DNAI2: variants seen among roughly 807,000 people sequenced by gnomAD.
DNAI2 encodes dynein axonemal intermediate chain 2, also known as dynein, axonemal, intermediate polypeptide 2.
Under a neutral mutation model 74.7 loss-of-function variants are expected in DNAI2, and 63 were observed. The observed-to-expected ratio is 0.84, with a 90% CI of 0.69 to 1.04. The LOEUF (loss-of-function observed/expected upper bound fraction) is 1.04, where lower values mean the gene tolerates loss of function less well. DNAI2 is among the 50% of genes least tolerant of loss of function. The probability of loss-of-function intolerance (pLI) is 0.00; values close to 1 mark genes in which losing one functional copy is unlikely to be tolerated. For missense variants in DNAI2, 688 were observed against 803.2 expected (o/e 0.86, Z 1.73); for synonymous variants, 289 against 314.9 (o/e 0.92, Z 0.87).
intron 6 of DNAI2, among the ~76,000 whole-genome samples, chr17:74,296,333 G>GGA (rs1555611087): frequency 4.5e-5 from 2 of 44,638 alleles, no homozygotes; most frequent in Admixed American, 2.3e-4. Flanking sequence ...GAGAGAGAGA[G>GGA]GAGAGAGAGA....
At position 74,285,207 on chromosome 17, in the gene DNAI2, G is replaced by T. The variant is rs750794863; in HGVS notation, c.345+6G>T. On this transcript the variant is annotated splice_donor_region_variant and intron_variant, in intron 3 of 13. Transcript: ENST00000311014. ...CCATCATGCAGCTCGGCTCTGTAAG[G>T]CTTCCTCCTGCCCCAGCTGCAAGAG... 1.2e-6 allele frequency: 2 copies of T among 1,613,706 alleles called. No individual in the cohort carries two copies. Among genetic ancestry groups the T allele is most frequent in the Non-Finnish European group, 1.7e-6 (2 of 1,179,812 alleles).
intron 8 of DNAI2, 114 bp downstream of exon 8, chr17:74,301,282 G>A: frequency 6.6e-7 from 1 of 1,515,498 alleles, no homozygotes. Context: ...AGCCCAGGGA[G>A]GCCACCCTCA....
intron 1 of DNAI2, among the ~76,000 whole-genome samples, chr17:74,279,515 C>A (rs2051276040): frequency 6.6e-6 from 1 of 152,110 alleles, no homozygotes; most frequent in South Asian, 2.1e-4. Context: ...AACCTGCTCA[C>A]AGGCAAACCT....
chr17:74,277,852 G>T (rs1157689346), intron 1 of DNAI2, among the ~76,000 whole-genome samples: 1 of 152,236 alleles, frequency 6.6e-6, no homozygotes, highest in Non-Finnish European at 1.5e-5. Flanking sequence ...CAGAAACGCT[G>T]GTTGAGAGAT....
At chr17:74,289,848 C>T (rs111455773) in intron 5 of DNAI2, 112 bp downstream of exon 5, 5 of 1,412,364 alleles carry the variant, frequency 3.5e-6, no homozygotes, top group African/African-American at 1.4e-5. Context: ...CGGTTGGTGC[C>T]TCAAGGGAAG....
chr17:74,309,456 G>A, intron 10 of DNAI2, 68 bp downstream of exon 10: 1 of 1,606,552 alleles, frequency 6.2e-7, no homozygotes, highest in Non-Finnish European at 8.5e-7. Flanking sequence ...GGGTGTGAGT[G>A]TGGGGTGCTG....
Position 74,280,610 on chromosome 17 carries a change from G to A in DNAI2, c.-11-1197G>A, listed in dbSNP as rs186741539. 4.6e-5 allele frequency among the ~76,000 whole-genome samples: 7 copies of A among 152,286 alleles called. No homozygotes were observed. The South Asian group carries it at 8.3e-4, about 18-fold the overall frequency. ...TGGAGGCCAGAGTCTGGCAACCAAC[G>A]AGCCTTTTGGACAATTGGGTGGGGA... On this transcript the variant is annotated intron_variant, in intron 1 of 13. Transcript: ENST00000311014.
intron 6 of DNAI2, among the ~76,000 whole-genome samples, chr17:74,291,792 G>C (rs1295437526): frequency 2.0e-5 from 3 of 152,164 alleles, no homozygotes; most frequent in African/African-American, 7.2e-5. Context: ...CATGCTAACG[G>C]ATATGGGTAA....
rs2290956 is a variant in DNAI2, at chr17:74,309,549, T to C, written c.1347+161T>C. The stretch of plus-strand genomic sequence containing the variant: ...GCAGGCTGACTGCAGCGATTGCTTT[T>C]GAGCGTGTGCTCCTACAAAGGTTAA... On this transcript the variant is annotated intron_variant, in intron 10 of 13. Transcript: ENST00000311014. The C allele has an allele frequency of 0.5, 514,418 of 1,019,224 alleles. 132,408 individuals are homozygous for C. The highest frequency in any genetic ancestry group is 0.54 in the Non-Finnish European group (362,956 of 671,424). 63.1% of individuals were successfully genotyped at this position (1,019,224 alleles called of 1,614,324 possible).
At position 74,286,985 on chromosome 17, in the gene DNAI2, G is replaced by A; in HGVS notation, c.354G>A (p.Glu118=). The change falls in exon 4 of 14, where the codon GAG becomes GAA. Residue 118 remains glutamate, a synonymous_variant. Transcript: ENST00000311014. ...NAIMQLGSIM[E]HCIKQNNAID... ...CAATGTGTCCCCCCTAGATCATGGA[G>A]CACTGCATCAAGCAGAACAATGCCA... 1 of 1,613,848 alleles carries A rather than the reference G, an allele frequency of 6.2e-7. No homozygotes were observed. The highest frequency in any genetic ancestry group is 1.1e-5 in the South Asian group (1 of 91,072).
At chr17:74,302,086 G>T (rs199987940) in intron 8 of DNAI2, among the ~76,000 whole-genome samples, 2 of 109,308 alleles carry the variant, frequency 1.8e-5, no homozygotes, top group Non-Finnish European at 3.8e-5. Context: ...AAGGAAGGAA[G>T]GAAGGAAGGA....
chr17:74,314,120 G>A lies in DNAI2; in HGVS notation c.1723-1G>A, dbSNP rs201909971. The A allele has an allele frequency of 6.2e-7, 1 of 1,613,984 alleles. No individual in the cohort carries two copies. The highest frequency in any genetic ancestry group is 8.5e-7 in the Non-Finnish European group (1 of 1,179,904). On this transcript the variant is annotated splice_acceptor_variant, in intron 12 of 13. Coordinates refer to ENST00000311014, the MANE Select transcript of DNAI2 (RefSeq NM_023036.6). LOFTEE classifies it high-confidence loss of function. ...CACTTCTGTGCTGTCTTCCCCTGCAGCAGCAACCAAGTCCAGAAGAAGACC... is the reference window on the plus strand; with the variant it reads ...CACTTCTGTGCTGTCTTCCCCTGCAACAGCAACCAAGTCCAGAAGAAGACC...
chr17:74,281,673 C>T (rs748824135), intron 1 of DNAI2, 134 bp from the exon 2 acceptor site: 1 of 797,448 alleles, frequency 1.3e-6, no homozygotes, highest in South Asian at 1.6e-5. Context: ...TGGACAAATT[C>T]CTAGGATCTC....
intron 6 of DNAI2, among the ~76,000 whole-genome samples, chr17:74,295,535 G>A (rs1240510579): frequency 2.0e-5 from 3 of 152,138 alleles, no homozygotes; most frequent in East Asian, 1.9e-4. Context: ...GCTGATGTGA[G>A]GCCTTTGTCT....
chr17:74,297,343 C>T (rs1490643171), intron 6 of DNAI2, among the ~76,000 whole-genome samples: 2 of 151,426 alleles, frequency 1.3e-5, no homozygotes, highest in Non-Finnish European at 2.9e-5. Context: ...CTGCCTGCCT[C>T]GGCCTCCCAA....
intron 12 of DNAI2, among the ~76,000 whole-genome samples, chr17:74,312,947 A>G (rs2053621603): frequency 6.6e-6 from 1 of 152,232 alleles, no homozygotes; most frequent in Non-Finnish European, 1.5e-5. Context: ...CGTGGAAGGG[A>G]AAAGAAACAG....
intron 7 of DNAI2, 99 bp downstream of exon 7, chr17:74,299,956 A>G: frequency 1.3e-6 from 2 of 1,534,670 alleles, no homozygotes; most frequent in Non-Finnish European, 1.8e-6. Context: ...CCTTTAACAC[A>G]TTTTATTTTG....
rs536266246 is a variant in DNAI2, at chr17:74,285,546, G to A, written c.345+345G>A. On this transcript the variant is annotated intron_variant, in intron 3 of 13. Coordinates refer to ENST00000311014, the MANE Select transcript of DNAI2 (RefSeq NM_023036.6). Reference sequence around the variant, plus strand: ...CTTCAAGCCTCTGCCAGGCACAGTAGAGGTTGCAAAATGAATCTCATAATT... The same window carrying A: ...CTTCAAGCCTCTGCCAGGCACAGTAAAGGTTGCAAAATGAATCTCATAATT... 2.0e-4 allele frequency among the ~76,000 whole-genome samples: 30 copies of A among 151,886 alleles called. No homozygotes were observed. The South Asian group carries it at 5.8e-3, about 29-fold the overall frequency.
chr17:74,294,745 T>G (rs754176149), intron 6 of DNAI2, among the ~76,000 whole-genome samples: 26 of 152,232 alleles, frequency 1.7e-4, no homozygotes, highest in Non-Finnish European at 3.5e-4. Context: ...TTTATCCCAC[T>G]TGGAATTCAT....
Sources: gnomAD v4.1 joint callset for allele counts (sites outside exome capture counted in the v4.1 genomes callset) on GRCh38, gnomAD v4.1.1 for gene constraint, MANE v1.5 for transcripts, NCBI Gene and HGNC (gene_info 2026-07-23, HGNC 2026-07-21) for gene names.